Variants in PDE3A observed in about 807,000 individuals in gnomAD.
PDE3A encodes phosphodiesterase 3A.
PDE3A carries 43 observed loss-of-function variants against 98.3 expected under a neutral mutation model. That is an observed-to-expected ratio of 0.44 (90% CI 0.34 to 0.56). PDE3A has a LOEUF of 0.56. Among genes scored for constraint, PDE3A ranks in the 20% least tolerant of loss-of-function variants. The pLI, the probability that PDE3A is intolerant of heterozygous loss-of-function variation, is 0.01. For synonymous variants in PDE3A, 663 were observed against 567.9 expected (o/e 1.17, Z -2.38); for missense variants, 1,427 against 1,440.7 (o/e 0.99, Z 0.15).
rs1565527523 is a variant in PDE3A at position 20,370,405 on chromosome 12, T to TG, written c.960+161_960+162insG. Reference sequence around the variant, plus strand: ...AACTAGCAGGTTTTTTTTTTGTTTTTTTTGTTTTTTTTTTTTTGTTTTTTT... The same window carrying TG: ...AACTAGCAGGTTTTTTTTTTGTTTTTGTTTGTTTTTTTTTTTTTGTTTTTTT... On this transcript the variant is annotated intron_variant, in intron 1 of 15. Transcript: ENST00000359062. 4.2e-5 allele frequency: 20 copies of TG among 475,190 alleles called. No homozygotes were observed. The East Asian group carries it at 6.4e-4, about 15-fold the overall frequency. 29.4% of individuals were successfully genotyped at this position (475,190 alleles called of 1,614,324 possible).
intron 1 of PDE3A, among the ~76,000 whole-genome samples, chr12:20,470,073 TTC>T (rs1945410747): frequency 6.6e-6 from 1 of 152,128 alleles, no homozygotes; most frequent in Non-Finnish European, 1.5e-5. Context: ...TCTTTTTTTT[TTC>T]TGTTTTTTTT....
At chr12:20,455,837 A>T (rs1199660070) in intron 1 of PDE3A, among the ~76,000 whole-genome samples, 1 of 152,166 alleles carries the variant, frequency 6.6e-6, no homozygotes, top group Non-Finnish European at 1.5e-5. Context: ...TAATCCATTC[A>T]GATAACTCCT....
At chr12:20,487,131 T>C (rs1945740339) in intron 1 of PDE3A, among the ~76,000 whole-genome samples, 1 of 137,934 alleles carries the variant, frequency 7.2e-6, no homozygotes, top group African/African-American at 2.6e-5. Context: ...AAGCATAATA[T>C]AATATTAAAT....
chr12:20,647,467 A>G (rs1944803685), intron 12 of PDE3A, among the ~76,000 whole-genome samples: 1 of 152,154 alleles, frequency 6.6e-6, no homozygotes, highest in Admixed American at 6.5e-5. Flanking sequence ...AAAAACAGTG[A>G]ATAAATTTAA....
intron 5 of PDE3A, among the ~76,000 whole-genome samples, chr12:20,622,598 A>C (rs1944163398): frequency 1.3e-5 from 2 of 152,154 alleles, no homozygotes; most frequent in African/African-American, 4.8e-5. Flanking sequence ...TTGAGCTTTC[A>C]TCAGGGCCAG....
chr12:20,430,574 A>G (rs1944678856), intron 1 of PDE3A, among the ~76,000 whole-genome samples: 1 of 152,090 alleles, frequency 6.6e-6, no homozygotes, highest in Admixed American at 6.5e-5. Flanking sequence ...TTATTTTCCT[A>G]TTGAAGAACA....
chr12:20,369,208 T>G lies in PDE3A; in HGVS notation c.-77T>G. The G allele has an allele frequency of 1.2e-6, 1 of 824,278 alleles. No individual in the cohort carries two copies. Among genetic ancestry groups the G allele is most frequent in the Non-Finnish European group, 1.8e-6 (1 of 558,722 alleles). 51.1% of individuals were successfully genotyped at this position (824,278 alleles called of 1,614,324 possible). ...GTGCGTGCGTGTGTGTGTGTGTGTG[T>G]GTGCGCGCGCGCGCGTGGGTCGGGG... On this transcript the variant is annotated 5_prime_UTR_variant, in exon 1 of 16. Coordinates refer to ENST00000359062, the MANE Select transcript of PDE3A (RefSeq NM_000921.5).
In PDE3A at chr12:20,607,160, C is replaced by T. The variant is rs538196586; in HGVS notation, c.1012-6283C>T. On this transcript the variant is annotated intron_variant, in intron 2 of 15. Coordinates refer to ENST00000359062, the MANE Select transcript of PDE3A (RefSeq NM_000921.5). ...GTTGTTTAAAAACTGAGTACTCAGT[C>T]GGGCGCGGTGGCTAACACCTTTAAT... Among the ~76,000 whole-genome samples, 257 of 152,030 alleles carry T rather than the reference C, an allele frequency of 1.7e-3. 1 individual carries two copies. Among genetic ancestry groups the T allele is most frequent in the African/African-American group, 3.9e-3 (161 of 41,486 alleles).
chr12:20,615,651 G>A (rs184790033), intron 3 of PDE3A, among the ~76,000 whole-genome samples: 166 of 152,034 alleles, frequency 1.1e-3, no homozygotes, highest in African/African-American at 3.8e-3. Flanking sequence ...TATCCCAGAG[G>A]CAATTGACTC....
At chr12:20,671,528 T>A (rs1184257161) in intron 15 of PDE3A, among the ~76,000 whole-genome samples, 2 of 151,484 alleles carry the variant, frequency 1.3e-5, no homozygotes, top group Non-Finnish European at 3.0e-5. Flanking sequence ...ATCCCTGGGA[T>A]GCAAGGCTGG....
intron 5 of PDE3A, among the ~76,000 whole-genome samples, chr12:20,628,235 C>G (rs1484197280): frequency 6.6e-6 from 1 of 152,146 alleles, no homozygotes; most frequent in East Asian, 1.9e-4. Flanking sequence ...ACTTGCTGTG[C>G]AGAATCATAC....
intron 2 of PDE3A, among the ~76,000 whole-genome samples, chr12:20,558,691 A>AAATAAT (rs66996145): frequency 0.17 from 24,573 of 147,652 alleles, 2,218 homozygotes; most frequent in South Asian, 0.24. Context: ...CCTGCTGACG[A>AAATAAT]AATAATAATA....
intron 1 of PDE3A, among the ~76,000 whole-genome samples, chr12:20,414,190 C>T (rs7314448): frequency 0.62 from 93,726 of 152,004 alleles, 30,660 homozygotes; most frequent in East Asian, 0.88. Flanking sequence ...TATAGGATAC[C>T]GATTTTGGAA....
At chr12:20,518,256 A>T (rs917646270) in intron 1 of PDE3A, among the ~76,000 whole-genome samples, 3 of 152,124 alleles carry the variant, frequency 2.0e-5, no homozygotes, top group Non-Finnish European at 4.4e-5. Context: ...GGCATAGAAA[A>T]TTTTTTGCAT....
chr12:20,595,056 C>T (rs1943433036), intron 2 of PDE3A, among the ~76,000 whole-genome samples: 2 of 152,008 alleles, frequency 1.3e-5, no homozygotes, highest in Admixed American at 1.3e-4. Context: ...TTTACTTCAA[C>T]TAGTTGTAGC....
chr12:20,369,929 C>A lies in PDE3A; in HGVS notation c.645C>A (p.Ile215=). ...VLRLRLGVLM[I]ALTSAVRTVS... The stretch of plus-strand genomic sequence containing the variant: ...GGCTGAGGCTGGGCGTCCTCATGAT[C>A]GCCTTGACTAGCGCGGTCAGGACCG... Residue 215 remains isoleucine (I), a synonymous_variant, in exon 1 of 16, where the codon ATC becomes ATA. Transcript: ENST00000359062. 1.9e-6 allele frequency: 3 copies of A among 1,613,474 alleles called. No homozygotes were observed. Among genetic ancestry groups the A allele is most frequent in the Non-Finnish European group, 2.5e-6 (3 of 1,179,980 alleles).
intron 1 of PDE3A, among the ~76,000 whole-genome samples, chr12:20,481,722 A>G (rs1401540074): frequency 4.7e-5 from 7 of 149,602 alleles, no homozygotes; most frequent in Non-Finnish European, 7.4e-5. Context: ...TTCGGCTTCA[A>G]CAATTTATTC....
chr12:20,377,230 T>A (rs1943588742), intron 1 of PDE3A, among the ~76,000 whole-genome samples: 1 of 151,800 alleles, frequency 6.6e-6, no homozygotes. Flanking sequence ...ACATTATAGA[T>A]AAGCACTGTC....
At chr12:20,503,346 T>C (rs1946056754) in intron 1 of PDE3A, among the ~76,000 whole-genome samples, 1 of 152,176 alleles carries the variant, frequency 6.6e-6, no homozygotes, top group East Asian at 1.9e-4. Context: ...CTTTAACAGG[T>C]ATTCCATAGA....
Sources: gnomAD v4.1 joint callset for allele counts (sites outside exome capture counted in the v4.1 genomes callset) on GRCh38, gnomAD v4.1.1 for gene constraint, MANE v1.5 for transcripts, NCBI Gene and HGNC (gene_info 2026-07-23, HGNC 2026-07-21) for gene names.